Variants in SDK1 observed in about 807,000 individuals in gnomAD.
SDK1 encodes the protein protein sidekick-1.
In SDK1, 157 loss-of-function variants were observed where a neutral mutation model predicts 245.5. The observed-to-expected ratio is 0.64, with a 90% CI of 0.56 to 0.73. SDK1 has a LOEUF of 0.73. Among genes scored for constraint, SDK1 ranks in the 30% least tolerant of loss-of-function variants. SDK1 has a pLI of 0.00. For synonymous variants in SDK1, 1,647 were observed against 1,278.5 expected (o/e 1.29, Z -6.15); for missense variants, 3,583 against 3,002.3 (o/e 1.19, Z -4.52).
intron 44 of SDK1, among the ~76,000 whole-genome samples, chr7:4,256,339 G>A (rs760373707): frequency 5.9e-5 from 9 of 152,216 alleles, no homozygotes; most frequent in Non-Finnish European, 1.3e-4. Context: ...TGGCCTTCAT[G>A]GCTAGTAACT....
Position 3,353,113 on chromosome 7 carries a change from A to G in SDK1, c.298+51229A>G, listed in dbSNP as rs956838904. Among the ~76,000 whole-genome samples the G allele has an allele frequency of 3.3e-5, 5 of 152,042 alleles. No individual in the cohort carries two copies. The South Asian group carries it at 6.2e-4, about 19-fold the overall frequency. ...TTTTTTTGCACCCTGCAGCAATTCTATTTCTATTTTGTTTCCTGTTATCAT... is the reference window on the plus strand; with the variant it reads ...TTTTTTTGCACCCTGCAGCAATTCTGTTTCTATTTTGTTTCCTGTTATCAT... On this transcript the variant is annotated intron_variant, in intron 1 of 44. Transcript: ENST00000404826.
chr7:4,063,599 A>AAAAACAAAAAC (rs1554327556), intron 19 of SDK1, among the ~76,000 whole-genome samples: 2 of 148,882 alleles, frequency 1.3e-5, no homozygotes, highest in African/African-American at 5.0e-5. Context: ...AGAAATAGCA[A>AAAAACAAAAAC]AAAAAAAAAA....
chr7:4,042,342 G>C lies in SDK1; in HGVS notation c.2603-7006G>C, dbSNP rs542721541. On this transcript the variant is annotated intron_variant, in intron 17 of 44. Coordinates refer to ENST00000404826, the MANE Select transcript of SDK1 (RefSeq NM_152744.4). Reference sequence around the variant, plus strand: ...ATTTCCGTGGGATATAAAACCCCTAGTGCCTGAAACTGCTCTTCTGGTTTC... The same window carrying C: ...ATTTCCGTGGGATATAAAACCCCTACTGCCTGAAACTGCTCTTCTGGTTTC... Among the ~76,000 whole-genome samples, 70 of 135,924 alleles carry C rather than the reference G, an allele frequency of 5.1e-4. 21 individuals are homozygous for C. The highest frequency in any genetic ancestry group is 2.3e-3 in the African/African-American group (67 of 29,508). 89.2% of individuals were successfully genotyped at this position (135,924 alleles called of 152,430 possible). A position where few individuals can be genotyped will look rare whatever the true frequency, so the allele number is the denominator to read the frequency against.
At chr7:4,063,785 A>G (rs923282297) in intron 19 of SDK1, among the ~76,000 whole-genome samples, 10 of 152,152 alleles carry the variant, frequency 6.6e-5, no homozygotes, top group Admixed American at 2.6e-4. Context: ...ACATAGACCA[A>G]TGGAACAGAA....
intron 22 of SDK1, among the ~76,000 whole-genome samples, chr7:4,091,945 A>G (rs1474157199): frequency 2.6e-5 from 4 of 152,152 alleles, no homozygotes; most frequent in East Asian, 3.9e-4. Context: ...ATCACATTCC[A>G]TGGATCATCT....
intron 1 of SDK1, among the ~76,000 whole-genome samples, chr7:3,574,425 C>T (rs1257278081): frequency 6.6e-6 from 1 of 152,012 alleles, no homozygotes; most frequent in Admixed American, 6.6e-5. Context: ...TCACATACCT[C>T]ATTTGACCCT....
At chr7:3,719,805 C>T (rs556580820) in intron 4 of SDK1, among the ~76,000 whole-genome samples, 4 of 151,786 alleles carry the variant, frequency 2.6e-5, no homozygotes, top group South Asian at 2.1e-4. Flanking sequence ...GGTGAAACCC[C>T]GTCTCTACTA....
intron 41 of SDK1, 71 bp from the exon 42 acceptor site, chr7:4,237,576 C>G: frequency 6.3e-7 from 1 of 1,581,944 alleles, no homozygotes; most frequent in African/African-American, 1.3e-5. Flanking sequence ...TGCCAACCAC[C>G]TGACTCGCGG....
intron 1 of SDK1, among the ~76,000 whole-genome samples, chr7:3,599,472 T>G (rs1781184299): frequency 6.6e-6 from 1 of 152,224 alleles, no homozygotes; most frequent in Non-Finnish European, 1.5e-5. Context: ...GTTTTAATAT[T>G]GATAAGGTTT....
chr7:4,067,913 T>C lies in SDK1; in HGVS notation c.2987T>C (p.Leu996Pro). ...TSLKVSWQEP[L>P]EKNGIITGYQ... ...CTCAAGGTCAGCTGGCAGGAGCCCCTGGAGAAAAATGGCATCATTACTGGT... is the reference window on the plus strand; with the variant it reads ...CTCAAGGTCAGCTGGCAGGAGCCCCCGGAGAAAAATGGCATCATTACTGGT... Residue 996 changes from leucine to proline, a missense_variant, in exon 20 of 45, where the codon CTG becomes CCG. Leu to Pro is a moderately conservative substitution (Grantham distance 98, BLOSUM62 -3). Transcript: ENST00000404826. The C allele has an allele frequency of 6.2e-7, 1 of 1,611,924 alleles. No individual in the cohort carries two copies. Among genetic ancestry groups the C allele is most frequent in the Non-Finnish European group, 8.5e-7 (1 of 1,178,796 alleles).
In SDK1 at chr7:4,149,294, C is replaced by T. The variant is rs1213273574; in HGVS notation, c.4456C>T (p.Pro1486Ser). 1.3e-6 allele frequency: 2 copies of T among 1,560,856 alleles called. No homozygotes were observed. Among genetic ancestry groups the T allele is most frequent in the African/African-American group, 2.8e-5 (2 of 72,544 alleles). ...GGCACCCCCCAGAGAGCTCCTGGTG[C>T]CCCAGGCAGAAGTGACCGCACGCAG... ...RPAPPRELLV[P>S]QAEVTARSLR... Residue 1486 changes from proline (P) to serine (S), a missense_variant, in exon 30 of 45, where the codon CCC becomes TCC. Physicochemically the swap from Pro to Ser is moderately conservative, Grantham distance 74. Coordinates refer to ENST00000404826, the MANE Select transcript of SDK1 (RefSeq NM_152744.4).
At chr7:3,862,490 T>C (rs1780718102) in intron 5 of SDK1, among the ~76,000 whole-genome samples, 2 of 152,238 alleles carry the variant, frequency 1.3e-5, no homozygotes, top group Admixed American at 6.5e-5. Context: ...AGGATAACTT[T>C]TGTAACTTTG....
intron 30 of SDK1, among the ~76,000 whole-genome samples, chr7:4,152,343 G>T (rs1381895134): frequency 6.6e-6 from 1 of 152,190 alleles, no homozygotes; most frequent in Admixed American, 6.5e-5. Flanking sequence ...AATTCTCCTG[G>T]CACAGCCCCG....
intron 14 of SDK1, among the ~76,000 whole-genome samples, chr7:4,001,111 G>A (rs1051020624): frequency 6.6e-6 from 1 of 152,174 alleles, no homozygotes; most frequent in African/African-American, 2.4e-5. Flanking sequence ...GTAACTTCCT[G>A]CGTGGGAGTG....
intron 1 of SDK1, among the ~76,000 whole-genome samples, chr7:3,357,237 G>A (rs79690070): frequency 6.8e-6 from 1 of 146,976 alleles, no homozygotes; most frequent in Non-Finnish European, 1.5e-5. Flanking sequence ...GGATGCTTCT[G>A]TTGTTGATGT....
In SDK1 at chr7:3,338,214, C is replaced by A. The variant is rs191434676; in HGVS notation, c.298+36330C>A. The A allele has an allele frequency of 3.7e-3, 1,017 of 275,488 alleles. 1 individual carries two copies. The highest frequency in any genetic ancestry group is 5.7e-3 in the Non-Finnish European group (803 of 141,976). 17.1% of individuals were successfully genotyped at this position (275,488 alleles called of 1,614,324 possible). On this transcript the variant is annotated intron_variant, in intron 1 of 44. Coordinates refer to ENST00000404826, the MANE Select transcript of SDK1 (RefSeq NM_152744.4). The stretch of plus-strand genomic sequence containing the variant: ...ATGGACTTGTTCTTTTGGCCACATA[C>A]CTGCAAATCTATAAGAAAGATGATA...
intron 5 of SDK1, among the ~76,000 whole-genome samples, chr7:3,929,709 T>TCAA (rs1482998919): frequency 1.3e-5 from 2 of 152,166 alleles, no homozygotes; most frequent in African/African-American, 2.4e-5. Context: ...TGAGATTTGA[T>TCAA]CCAGCCCTTG....
rs181943343 is a variant in SDK1, at chr7:3,753,902, A to T, written c.714-67548A>T. On this transcript the variant is annotated intron_variant, in intron 4 of 44. Transcript: ENST00000404826. ...TAAAATACGTCCATGAGAATTCAGC[A>T]TTCTCTATAAAATAAAATTTTGAAG... is the stretch of plus-strand genomic sequence containing the variant. 5.6e-4 allele frequency among the ~76,000 whole-genome samples: 85 copies of T among 152,354 alleles called. 1 individual carries two copies. Among genetic ancestry groups the T allele is most frequent in the African/African-American group, 1.6e-3 (65 of 41,584 alleles).
intron 17 of SDK1, among the ~76,000 whole-genome samples, chr7:4,034,088 G>A (rs933797280): frequency 2.6e-5 from 4 of 152,186 alleles, no homozygotes; most frequent in Admixed American, 1.3e-4. Flanking sequence ...ACACAGCCTC[G>A]CCTCTGTGCT....
Sources: allele counts gnomAD v4.1 joint callset (sites outside exome capture counted in the v4.1 genomes callset), GRCh38; gene constraint gnomAD v4.1.1; transcripts MANE v1.5; gene names NCBI Gene and HGNC (gene_info 2026-07-23, HGNC 2026-07-21).